Variants in GAP43 observed in about 807,000 individuals in gnomAD.
The protein encoded by GAP43 is neuromodulin.
GAP43 carries 6 observed loss-of-function variants against 18.6 expected under a neutral mutation model. The observed-to-expected ratio is 0.32, with a 90% CI of 0.18 to 0.64. The LOEUF (loss-of-function observed/expected upper bound fraction) is 0.64, where lower values mean the gene tolerates loss of function less well. Ranked by LOEUF, GAP43 falls within the 30% of genes least tolerant of loss-of-function variation. The pLI, the probability that GAP43 is intolerant of heterozygous loss-of-function variation, is 0.78. For missense variants in GAP43, 292 were observed against 295.5 expected (o/e 0.99, Z 0.09); for synonymous variants, 115 against 111.4 (o/e 1.03, Z -0.20).
At chr3:115,709,699 TTGAC>T (rs1319766861) in intron 2 of GAP43, among the ~76,000 whole-genome samples, 5 of 152,148 alleles carry the variant, frequency 3.3e-5, no homozygotes, top group African/African-American at 1.2e-4. Context: ...TGTACAAACA[TTGAC>T]TAAGTAGCTT....
intron 2 of GAP43, among the ~76,000 whole-genome samples, chr3:115,693,337 G>T (rs1365209279): frequency 6.6e-6 from 1 of 152,094 alleles, no homozygotes; most frequent in Non-Finnish European, 1.5e-5. Flanking sequence ...AGGAAATGCT[G>T]CCCCCTTTCC....
In GAP43 at chr3:115,641,382, TTGTG is replaced by T. The variant is rs894619973; in HGVS notation, c.30+17675_30+17678del. Among the ~76,000 whole-genome samples, 9 of 150,958 alleles carry T rather than the reference TTGTG, an allele frequency of 6.0e-5. 1 individual carries two copies. In the East Asian group the frequency reaches 1.2e-3, roughly 20 times the overall value. ...TGTGTGTACATACACACATAGGAGT[TTGTG>T]TGTGTGTGTGTATACATACACACAT... On this transcript the variant is annotated intron_variant, in intron 1 of 2. Transcript: ENST00000305124.
intron 1 of GAP43, among the ~76,000 whole-genome samples, chr3:115,626,390 AT>A (rs1708188623): frequency 6.6e-6 from 1 of 152,166 alleles, no homozygotes; most frequent in African/African-American, 2.4e-5. Flanking sequence ...GTTGGAATAC[AT>A]TGCCAGTGGG....
chr3:115,631,871 T>A (rs1264208779), intron 1 of GAP43, among the ~76,000 whole-genome samples: 1 of 152,130 alleles, frequency 6.6e-6, no homozygotes, highest in African/African-American at 2.4e-5. Context: ...TCCACCCACC[T>A]CGGCCTCTCA....
At chr3:115,652,810 A>G (rs965797374) in intron 1 of GAP43, among the ~76,000 whole-genome samples, 1 of 152,224 alleles carries the variant, frequency 6.6e-6, no homozygotes, top group African/African-American at 2.4e-5. Flanking sequence ...AAATGAATAG[A>G]TATGAAGTGT....
intron 2 of GAP43, among the ~76,000 whole-genome samples, chr3:115,718,384 C>G (rs1709537636): frequency 6.6e-6 from 1 of 152,176 alleles, no homozygotes; most frequent in South Asian, 2.1e-4. Flanking sequence ...AAGGACTTCA[C>G]TGAAATAAAT....
Position 115,644,904 on chromosome 3 carries a change from C to T in GAP43, c.30+21185C>T, listed in dbSNP as rs2107472142. Among the ~76,000 whole-genome samples the T allele has an allele frequency of 6.6e-6, 1 of 152,152 alleles. No homozygotes were observed. The highest frequency in any genetic ancestry group is 2.4e-5 in the African/African-American group (1 of 41,542). ...TTCGGATAGAAGTGAGGTCATAGCTCTGCTAATGTAAGGTAACTTCAGCAT... is the reference window on the plus strand; with the variant it reads ...TTCGGATAGAAGTGAGGTCATAGCTTTGCTAATGTAAGGTAACTTCAGCAT... On this transcript the variant is annotated intron_variant, in intron 1 of 2. Transcript: ENST00000305124. The surrounding 1 kb of genome is among the most constrained non-coding windows in gnomAD (Gnocchi z 4.2).
At chr3:115,698,286 T>TAATATATATATATTATATATAA (rs1709247609) in intron 2 of GAP43, among the ~76,000 whole-genome samples, 1 of 1,422 alleles carries the variant, frequency 7.0e-4, no homozygotes, top group Non-Finnish European at 3.3e-3. Flanking sequence ...TATATAAATA[T>TAATATATATATATTATATATAA]AATATATATA....
intron 1 of GAP43, among the ~76,000 whole-genome samples, chr3:115,648,954 T>C (rs9879241): frequency 0.056 from 8,593 of 152,158 alleles, 548 homozygotes; most frequent in East Asian, 0.15. Flanking sequence ...GTGGGTAGTT[T>C]AGTTGAGTAG....
chr3:115,680,381 G>A (rs73136438), intron 2 of GAP43, among the ~76,000 whole-genome samples: 6,233 of 152,172 alleles, frequency 0.041, 156 homozygotes, highest in South Asian at 0.07. Context: ...ACCTGAGCCC[G>A]GGAGGTCAAG....
intron 1 of GAP43, chr3:115,658,529 C>T (rs1037178166): frequency 3.3e-5 from 5 of 152,240 alleles, no homozygotes; most frequent in Admixed American, 2.6e-4. Context: ...TCTGCGCCCC[C>T]ACCCGCGCGG....
chr3:115,687,091 TG>T (rs545300522), intron 2 of GAP43, among the ~76,000 whole-genome samples: 1 of 144,810 alleles, frequency 6.9e-6, no homozygotes, highest in Admixed American at 7.2e-5. Context: ...TGGAGATGAC[TG>T]AAGATGTCCT....
At chr3:115,717,352 C>T (rs931438522) in intron 2 of GAP43, among the ~76,000 whole-genome samples, 1 of 151,592 alleles carries the variant, frequency 6.6e-6, no homozygotes, top group African/African-American at 2.4e-5. Context: ...TTTTGTCCCC[C>T]AGGCCGGAGT....
At chr3:115,647,733 AC>A (rs1395707400) in intron 1 of GAP43, among the ~76,000 whole-genome samples, 1 of 131,946 alleles carries the variant, frequency 7.6e-6, no homozygotes, top group Non-Finnish European at 1.6e-5. Flanking sequence ...AAAAACAAAA[AC>A]AAAAACAAAA....
At chr3:115,676,646 T>G in intron 2 of GAP43, 36 bp downstream of exon 2, 1 of 1,514,344 alleles carries the variant, frequency 6.6e-7, no homozygotes, top group East Asian at 2.3e-5. Context: ...AATGGGTGGA[T>G]GGGGAAGGGA....
chr3:115,665,759 T>A (rs927151500), intron 1 of GAP43, among the ~76,000 whole-genome samples: 1 of 152,172 alleles, frequency 6.6e-6, no homozygotes, highest in Non-Finnish European at 1.5e-5. Context: ...TTGGATATAC[T>A]TGGCTTGGCA....
intron 1 of GAP43, among the ~76,000 whole-genome samples, chr3:115,664,473 A>G (rs1708706969): frequency 6.6e-6 from 1 of 152,168 alleles, no homozygotes; most frequent in African/African-American, 2.4e-5. Flanking sequence ...AAAATTCTGC[A>G]CAATAGGTAA....
Position 115,661,831 on chromosome 3 carries a change from C to CTTTTTTTTTTTTTTTTTTTT in GAP43, c.31-14168_31-14167insTTTTTTTTTTTTTTTTTTTT, listed in dbSNP as rs56209932. Reference sequence around the variant, plus strand: ...AGTTTGGCTTGGGGAGAAACTAGGGCTTTTTTTTTTTTTTACCTGGGAGCT... The same window carrying CTTTTTTTTTTTTTTTTTTTT: ...AGTTTGGCTTGGGGAGAAACTAGGGCTTTTTTTTTTTTTTTTTTTTTTTTTTTTTTTTTTACCTGGGAGCT... On this transcript the variant is annotated intron_variant, in intron 1 of 2. Transcript: ENST00000305124. Among the ~76,000 whole-genome samples the CTTTTTTTTTTTTTTTTTTTT allele has an allele frequency of 2.5e-4, 27 of 105,946 alleles. 3 individuals are homozygous for CTTTTTTTTTTTTTTTTTTTT. The highest frequency in any genetic ancestry group is 1.0e-3 in the African/African-American group (25 of 24,554). 69.5% of individuals were successfully genotyped at this position (105,946 alleles called of 152,430 possible).
chr3:115,676,986 T>C (rs1391167495), intron 2 of GAP43, among the ~76,000 whole-genome samples: 1 of 152,200 alleles, frequency 6.6e-6, no homozygotes, highest in Non-Finnish European at 1.5e-5. Context: ...ATTTTATGGA[T>C]GGGAATTAGC....
Sources: gnomAD v4.1 joint callset for allele counts (sites outside exome capture counted in the v4.1 genomes callset) on GRCh38, gnomAD v4.1.1 for gene constraint, Gnocchi (gnomAD v3.1) non-coding constraint, MANE v1.5 for transcripts, NCBI Gene and HGNC (gene_info 2026-07-23, HGNC 2026-07-21) for gene names.